Variants in KLHL29 observed in about 807,000 individuals in gnomAD.
KLHL29 encodes the protein kelch-like protein 29.
Under a neutral mutation model 80.4 loss-of-function variants are expected in KLHL29, and 21 were observed. The ratio of observed to expected loss-of-function variants is 0.26; its 90% CI spans 0.19 to 0.38. The LOEUF (loss-of-function observed/expected upper bound fraction) is 0.38. KLHL29 is among the 10% of genes least tolerant of loss of function. The probability of loss-of-function intolerance (pLI) is 1.00; values close to 1 mark genes in which losing one functional copy is unlikely to be tolerated. For synonymous variants in KLHL29, 511 were observed against 526.8 expected (o/e 0.97, Z 0.41); for missense variants, 867 against 1,223.9 (o/e 0.71, Z 4.35).
intron 5 of KLHL29, among the ~76,000 whole-genome samples, chr2:23,656,162 G>A (rs1670238396): frequency 1.3e-5 from 2 of 152,250 alleles, no homozygotes; most frequent in Non-Finnish European, 2.9e-5. Context: ...GCAGTGAGAA[G>A]TCAGCGTCGA....
At chr2:23,577,735 C>G (rs1405271638) in intron 3 of KLHL29, among the ~76,000 whole-genome samples, 1 of 148,962 alleles carries the variant, frequency 6.7e-6, no homozygotes, top group Non-Finnish European at 1.5e-5. Flanking sequence ...GTGACTAGAG[C>G]GAAACTTCAT....
intron 3 of KLHL29, among the ~76,000 whole-genome samples, chr2:23,569,652 C>T (rs1359896829): frequency 6.6e-6 from 1 of 152,090 alleles, no homozygotes; most frequent in Non-Finnish European, 1.5e-5. Flanking sequence ...AAAATCTAAA[C>T]AGCCAAATTA....
Position 23,651,304 on chromosome 2 carries a change from T to C in KLHL29, c.940+8454T>C, listed in dbSNP as rs562021893. Among the ~76,000 whole-genome samples, 22 of 152,358 alleles carry C rather than the reference T, an allele frequency of 1.4e-4. No individual in the cohort carries two copies. In the South Asian group the frequency reaches 4.6e-3, roughly 32 times the overall value. The stretch of plus-strand genomic sequence containing the variant: ...GCAAATGCTCCTTCCTTTTACAGTG[T>C]CCTGGCAGCCTCTTGGATGACTAAG... On this transcript the variant is annotated intron_variant, in intron 5 of 13. Transcript: ENST00000486442.
chr2:23,526,965 C>T (rs1666345029), intron 2 of KLHL29, among the ~76,000 whole-genome samples: 1 of 152,082 alleles, frequency 6.6e-6, no homozygotes, highest in African/African-American at 2.4e-5. Context: ...GTTTCGTGCT[C>T]GGGGTTAGCA....
intron 3 of KLHL29, among the ~76,000 whole-genome samples, chr2:23,630,502 GA>G (rs1669441803): frequency 6.6e-6 from 1 of 152,058 alleles, no homozygotes; most frequent in Non-Finnish European, 1.5e-5. Flanking sequence ...TTCTGTTTTT[GA>G]AATGGAGTCT....
intron 5 of KLHL29, among the ~76,000 whole-genome samples, chr2:23,657,005 T>C (rs1272926699): frequency 6.6e-6 from 1 of 151,076 alleles, no homozygotes; most frequent in African/African-American, 2.4e-5. Flanking sequence ...TCTGTGAACC[T>C]CTAGTCTTAG....
chr2:23,627,699 A>G (rs1669352545), intron 3 of KLHL29, among the ~76,000 whole-genome samples: 2 of 145,392 alleles, frequency 1.4e-5, no homozygotes, highest in African/African-American at 5.1e-5. Context: ...GGTGTCTAAT[A>G]AGGTCGCTGA....
At position 23,680,224 on chromosome 2, in the gene KLHL29, A is replaced by T. The variant is rs535247449; in HGVS notation, c.941-4175A>T. 6.6e-6 allele frequency among the ~76,000 whole-genome samples: 1 copy of T among 152,118 alleles called. No homozygotes were observed. The highest frequency in any genetic ancestry group is 6.5e-5 in the Admixed American group (1 of 15,294). ...GAGGCTGGATCCTGAGAATTCTAGG[A>T]GGTAAAAAGATGGGACTTGGTGTGA... On this transcript the variant is annotated intron_variant, in intron 5 of 13. Coordinates refer to ENST00000486442, the MANE Select transcript of KLHL29 (RefSeq NM_052920.2). The surrounding 1 kb of genome is among the most constrained non-coding windows in gnomAD (Gnocchi z 4.1).
intron 1 of KLHL29, among the ~76,000 whole-genome samples, chr2:23,455,005 G>GC (rs544340012): frequency 1.7e-4 from 23 of 138,192 alleles, no homozygotes; most frequent in South Asian, 4.5e-4. Context: ...GTGGGTTGGG[G>GC]GGGGGGCATT....
At chr2:23,429,103 C>T (rs971465917) in intron 1 of KLHL29, among the ~76,000 whole-genome samples, 5 of 152,214 alleles carry the variant, frequency 3.3e-5, no homozygotes, top group African/African-American at 1.2e-4. Flanking sequence ...TCGTGAGCAT[C>T]CACCTCTCCC....
At chr2:23,400,496 C>G (rs1666573160) in intron 1 of KLHL29, among the ~76,000 whole-genome samples, 1 of 152,146 alleles carries the variant, frequency 6.6e-6, no homozygotes, top group Non-Finnish European at 1.5e-5. Flanking sequence ...TTCCCCAATG[C>G]TGGGCAGTAT....
chr2:23,687,147 C>A (rs1671297555), intron 6 of KLHL29, among the ~76,000 whole-genome samples: 1 of 152,236 alleles, frequency 6.6e-6, no homozygotes, highest in Non-Finnish European at 1.5e-5. Flanking sequence ...GCAGTGGCTC[C>A]ACGCTCAGGC....
At chr2:23,415,823 T>C (rs1012320399) in intron 1 of KLHL29, among the ~76,000 whole-genome samples, 3 of 152,130 alleles carry the variant, frequency 2.0e-5, no homozygotes, top group Non-Finnish European at 4.4e-5. Flanking sequence ...CTTAGCCTCC[T>C]GTATAGCTGG....
intron 3 of KLHL29, among the ~76,000 whole-genome samples, chr2:23,570,543 G>C (rs577291723): frequency 1.3e-5 from 2 of 152,346 alleles, no homozygotes; most frequent in East Asian, 1.9e-4. Flanking sequence ...TTTGCCCTTA[G>C]AGGGCCACAC....
At chr2:23,561,268 G>A (rs115637942) in intron 2 of KLHL29, among the ~76,000 whole-genome samples, 1,834 of 152,306 alleles carry the variant, frequency 0.012, 20 homozygotes, top group South Asian at 0.033. Context: ...GGATGGGCAG[G>A]GAACCAGGCA....
At chr2:23,463,149 C>T (rs1215247725) in intron 1 of KLHL29, among the ~76,000 whole-genome samples, 3 of 148,342 alleles carry the variant, frequency 2.0e-5, no homozygotes, top group Non-Finnish European at 4.4e-5. Context: ...TTTGGAACGT[C>T]ATGGCACTTT....
Position 23,695,673 on chromosome 2 carries a change from C to G in KLHL29, c.1593C>G (p.Ser531Arg). Reference protein sequence around the residue: ...AVVRLPFIHPSYLLNVVDNEE... With the variant: ...AVVRLPFIHPRYLLNVVDNEE... ...TCCGCCTCCCCTTCATCCACCCCAG[C>G]TACCTGCTCAATGTGGTTGACAATG... The change falls in exon 9 of 14, where the codon AGC (serine) becomes AGG (arginine). Residue 531 changes from serine (S) to arginine (R), a missense_variant. Around this residue, in one of 2 missense-constraint regions of KLHL29, gnomAD observed 443 missense variants for 767.0 expected, o/e 0.58. Coordinates refer to ENST00000486442, the MANE Select transcript of KLHL29 (RefSeq NM_052920.2). This position sits in a 1 kb window ranked among gnomAD's most constrained non-coding sequence, Gnocchi z 7.6. 6.4e-7 allele frequency: 1 copy of G among 1,551,680 alleles called. No individual in the cohort carries two copies. Among genetic ancestry groups the G allele is most frequent in the Non-Finnish European group, 8.7e-7 (1 of 1,146,962 alleles).
At chr2:23,439,081 T>A (rs1026044258) in intron 1 of KLHL29, among the ~76,000 whole-genome samples, 4 of 150,330 alleles carry the variant, frequency 2.7e-5, no homozygotes, top group Admixed American at 1.3e-4. Context: ...CTTCTAGATT[T>A]TCTAGTTTAT....
chr2:23,427,590 A>C (rs554549945), intron 1 of KLHL29, among the ~76,000 whole-genome samples: 1 of 152,264 alleles, frequency 6.6e-6, no homozygotes, highest in Admixed American at 6.5e-5. Context: ...GCAACCTTTC[A>C]GCGCCTGCGG....
Sources: allele counts gnomAD v4.1 joint callset (sites outside exome capture counted in the v4.1 genomes callset), GRCh38; gene constraint gnomAD v4.1.1; regional missense constraint gnomAD v4.1.1; non-coding constraint Gnocchi (gnomAD v3.1); transcripts MANE v1.5; gene names NCBI Gene and HGNC (gene_info 2026-07-23, HGNC 2026-07-21).